The following SPATA16 variants were observed in gnomAD, a reference collection of about 807,000 sequenced individuals.
SPATA16 encodes spermatogenesis associated 16, also known as spermatogenesis-associated protein 16.
SPATA16 carries 36 observed loss-of-function variants against 63.3 expected under a neutral mutation model. The observed-to-expected ratio is 0.57, with a 90% CI of 0.44 to 0.75. The LOEUF is 0.75. SPATA16 is among the 30% of genes least tolerant of loss of function. SPATA16 has a pLI of 0.00. For synonymous variants in SPATA16, 203 were observed against 216.7 expected (o/e 0.94, Z 0.56); for missense variants, 646 against 679.3 (o/e 0.95, Z 0.54).
rs141335918 is a variant in SPATA16 at position 173,039,691 on chromosome 3, A to C, written c.758+9258T>G. The stretch of plus-strand genomic sequence containing the variant: ...TGAAAGCTAAGATGAGAAAGAAAAC[A>C]TCAAGCAAGATGATTATAAACTAAA... On this transcript the variant is annotated intron_variant, in intron 3 of 10. Coordinates refer to ENST00000351008, the MANE Select transcript of SPATA16 (RefSeq NM_031955.6). 1.6e-3 allele frequency among the ~76,000 whole-genome samples: 243 copies of C among 152,222 alleles called. 1 individual carries two copies. Among genetic ancestry groups the C allele is most frequent in the African/African-American group, 5.4e-3 (224 of 41,562 alleles).
At chr3:172,996,390 T>C (rs1225605461) in intron 4 of SPATA16, among the ~76,000 whole-genome samples, 3 of 152,172 alleles carry the variant, frequency 2.0e-5, no homozygotes, top group African/African-American at 7.2e-5. Flanking sequence ...TTTGAGACTA[T>C]GTAAATACAT....
intron 4 of SPATA16, among the ~76,000 whole-genome samples, chr3:172,989,708 A>C (rs1431207012): frequency 6.6e-6 from 1 of 152,232 alleles, no homozygotes; most frequent in African/African-American, 2.4e-5. Context: ...AGCACTCAGT[A>C]AGTGGTAGCT....
At chr3:173,070,555 A>G (rs1327135413) in intron 2 of SPATA16, among the ~76,000 whole-genome samples, 1 of 152,194 alleles carries the variant, frequency 6.6e-6, no homozygotes, top group Non-Finnish European at 1.5e-5. Flanking sequence ...ACAATCTTAC[A>G]TTTAGAAAAA....
At chr3:173,016,293 T>G (rs1735184883) in intron 4 of SPATA16, among the ~76,000 whole-genome samples, 1 of 152,208 alleles carries the variant, frequency 6.6e-6, no homozygotes, top group Non-Finnish European at 1.5e-5. Context: ...CCTGATATCT[T>G]CCCTCCAACC....
chr3:173,096,987 T>C (rs1422784906), intron 2 of SPATA16, among the ~76,000 whole-genome samples: 4 of 152,194 alleles, frequency 2.6e-5, no homozygotes, highest in Admixed American at 2.6e-4. Context: ...AGTCCCTTCT[T>C]ACCCATGGTT....
intron 6 of SPATA16, among the ~76,000 whole-genome samples, chr3:172,932,434 T>C (rs1426013792): frequency 1.3e-5 from 2 of 152,210 alleles, no homozygotes; most frequent in Non-Finnish European, 2.9e-5. Context: ...GATTGTTTAG[T>C]GTGAGATAGG....
intron 3 of SPATA16, 84 bp downstream of exon 3, chr3:173,048,865 A>C: frequency 1.3e-6 from 2 of 1,504,940 alleles, no homozygotes; most frequent in Non-Finnish European, 9.2e-7. Flanking sequence ...TTGAAATAAG[A>C]TGGAAGGTGA....
chr3:173,018,527 C>T (rs1400942251), intron 4 of SPATA16, among the ~76,000 whole-genome samples: 3 of 152,062 alleles, frequency 2.0e-5, no homozygotes, highest in African/African-American at 4.8e-5. Flanking sequence ...CCACCTGCCT[C>T]GGCCTCCCAA....
rs181176519 is a variant in SPATA16, at chr3:172,916,929, G to A, written c.1339-448C>T. On this transcript the variant is annotated intron_variant, in intron 8 of 10. Transcript: ENST00000351008. ...TGCAAGTTGAATCTTGACAAACGTT[G>A]TATAAGTTGAATTCTGTTTACCCCA... is the stretch of plus-strand genomic sequence containing the variant. 1.6e-3 allele frequency among the ~76,000 whole-genome samples: 246 copies of A among 152,340 alleles called. 2 individuals carry two copies. The highest frequency in any genetic ancestry group is 5.1e-3 in the Admixed American group (78 of 15,294).
At chr3:172,972,305 G>A (rs1734063979) in intron 5 of SPATA16, among the ~76,000 whole-genome samples, 1 of 152,198 alleles carries the variant, frequency 6.6e-6, no homozygotes, top group Non-Finnish European at 1.5e-5. Flanking sequence ...CTGTGTTGGT[G>A]TCAACAGCTC....
At chr3:172,914,732 A>AT (rs1378303587) in intron 9 of SPATA16, among the ~76,000 whole-genome samples, 1 of 152,074 alleles carries the variant, frequency 6.6e-6, no homozygotes, top group Non-Finnish European at 1.5e-5. Flanking sequence ...ATATTTAAAT[A>AT]TTTTTCTGCT....
At chr3:173,116,284 A>G (rs2108335752) in intron 2 of SPATA16, among the ~76,000 whole-genome samples, 1 of 152,322 alleles carries the variant, frequency 6.6e-6, no homozygotes, top group East Asian at 1.9e-4. Context: ...TTCTTTTTAA[A>G]TAGCTCCAGT....
At chr3:173,099,316 A>G (rs902361874) in intron 2 of SPATA16, among the ~76,000 whole-genome samples, 1 of 152,138 alleles carries the variant, frequency 6.6e-6, no homozygotes, top group African/African-American at 2.4e-5. Context: ...CCATATTCAC[A>G]TAAGTTTTAT....
chr3:173,036,199 T>C (rs542066491), intron 3 of SPATA16, among the ~76,000 whole-genome samples: 1 of 152,162 alleles, frequency 6.6e-6, no homozygotes, highest in East Asian at 1.9e-4. Context: ...ATTATCAGAC[T>C]TGAAATTTGG....
intron 10 of SPATA16, among the ~76,000 whole-genome samples, chr3:172,900,933 C>T (rs1732115245): frequency 6.6e-6 from 1 of 152,024 alleles, no homozygotes; most frequent in South Asian, 2.1e-4. Context: ...AGGCACTGCG[C>T]CTGGCCTAAA....
chr3:172,924,600 A>ACT (rs1261158141), intron 7 of SPATA16, among the ~76,000 whole-genome samples: 1 of 151,998 alleles, frequency 6.6e-6, no homozygotes, highest in Non-Finnish European at 1.5e-5. Flanking sequence ...ATCTCTTCAG[A>ACT]CTCTGTTTTT....
chr3:173,129,403 T>C (rs1312892634), intron 1 of SPATA16, among the ~76,000 whole-genome samples: 1 of 152,216 alleles, frequency 6.6e-6, no homozygotes, highest in Admixed American at 6.5e-5. Flanking sequence ...ACATGAATAC[T>C]AACTAATTCC....
At chr3:172,917,361 A>G (rs1732516804) in intron 8 of SPATA16, among the ~76,000 whole-genome samples, 1 of 152,232 alleles carries the variant, frequency 6.6e-6, no homozygotes, top group South Asian at 2.1e-4. Flanking sequence ...AAAAGCCTTG[A>G]GTTTCTGCTG....
chr3:173,084,105 T>C (rs1736990644), intron 2 of SPATA16, among the ~76,000 whole-genome samples: 1 of 152,206 alleles, frequency 6.6e-6, no homozygotes, highest in Non-Finnish European at 1.5e-5. Context: ...TTACACTGTC[T>C]TCTACTATGG....
Sources: allele counts gnomAD v4.1 joint callset (sites outside exome capture counted in the v4.1 genomes callset), GRCh38; gene constraint gnomAD v4.1.1; transcripts MANE v1.5; gene names NCBI Gene and HGNC (gene_info 2026-07-23, HGNC 2026-07-21).